NALF1: variants seen among roughly 807,000 people sequenced by gnomAD.
NALF1 encodes the protein NALCN channel auxiliary factor 1, also known as family with sequence similarity 155 member A.
Under a neutral mutation model 48.4 loss-of-function variants are expected in NALF1, and 3 were observed. The ratio of observed to expected loss-of-function variants is 0.06; its 90% CI spans 0.03 to 0.16. NALF1 has a LOEUF of 0.16. Ranked by LOEUF, NALF1 falls within the 10% of genes least tolerant of loss-of-function variation. The pLI is 1.00. For synonymous variants in NALF1, 262 were observed against 245.7 expected (o/e 1.07, Z -0.62); for missense variants, 526 against 571.5 (o/e 0.92, Z 0.81).
chr13:107,575,023 C>T (rs1013783792), intron 1 of NALF1, among the ~76,000 whole-genome samples: 1 of 152,040 alleles, frequency 6.6e-6, no homozygotes, highest in Non-Finnish European at 1.5e-5. Flanking sequence ...TAATATATTT[C>T]CTGAGGCTTA....
chr13:107,264,498 CAAAG>C (rs1881001858), intron 1 of NALF1, among the ~76,000 whole-genome samples: 1 of 151,972 alleles, frequency 6.6e-6, no homozygotes, highest in Non-Finnish European at 1.5e-5. Context: ...GTTAATTACA[CAAAG>C]AGAACATAAT....
chr13:107,616,120 T>C (rs1217719303), intron 1 of NALF1, among the ~76,000 whole-genome samples: 1 of 152,180 alleles, frequency 6.6e-6, no homozygotes, highest in Non-Finnish European at 1.5e-5. Flanking sequence ...GATGTGAAAT[T>C]AATACCTGCA....
chr13:107,644,130 A>G (rs925345188), intron 1 of NALF1, among the ~76,000 whole-genome samples: 1 of 150,390 alleles, frequency 6.6e-6, no homozygotes, highest in Non-Finnish European at 1.5e-5. Context: ...ACCTAATACC[A>G]TAAAATTTAC....
chr13:107,626,695 T>C (rs961049301), intron 1 of NALF1, among the ~76,000 whole-genome samples: 2 of 152,012 alleles, frequency 1.3e-5, no homozygotes, highest in African/African-American at 4.8e-5. Flanking sequence ...GAAAGACAAA[T>C]ATCACATGTT....
At chr13:107,853,790 A>G (rs1276836769) in intron 1 of NALF1, among the ~76,000 whole-genome samples, 2 of 152,200 alleles carry the variant, frequency 1.3e-5, no homozygotes, top group African/African-American at 4.8e-5. Context: ...ACAAAAATAG[A>G]TTGGGTACTC....
intron 1 of NALF1, among the ~76,000 whole-genome samples, chr13:107,658,212 T>C (rs1594188954): frequency 6.6e-6 from 1 of 151,944 alleles, no homozygotes; most frequent in African/African-American, 2.4e-5. Flanking sequence ...GTAGGAAGAT[T>C]GGTGGATTTA....
intron 1 of NALF1, among the ~76,000 whole-genome samples, chr13:107,790,544 AG>A (rs1187222593): frequency 6.6e-6 from 1 of 152,208 alleles, no homozygotes; most frequent in Non-Finnish European, 1.5e-5. Flanking sequence ...TGAATAAAAC[AG>A]GGCTGAAATC....
At chr13:107,612,980 T>C (rs1848139016) in intron 1 of NALF1, among the ~76,000 whole-genome samples, 2 of 150,936 alleles carry the variant, frequency 1.3e-5, no homozygotes, top group Admixed American at 6.6e-5. Context: ...ATGGGTTTTT[T>C]TGGGTTTTTT....
intron 1 of NALF1, 40 bp downstream of exon 1, chr13:107,865,641 AG>A (rs1435981110): frequency 2.5e-6 from 4 of 1,585,472 alleles, no homozygotes; most frequent in Non-Finnish European, 3.4e-6. Context: ...AAGCAGAGAT[AG>A]GAAAGTGCAG....
At position 107,697,266 on chromosome 13, in the gene NALF1, G is replaced by A. The variant is rs569377641; in HGVS notation, c.915+168416C>T. ...CCACAGGACACATATGTATAAAAGAGTTCTGTATGTTTTATATGGCTCTGC... is the reference window on the plus strand; with the variant it reads ...CCACAGGACACATATGTATAAAAGAATTCTGTATGTTTTATATGGCTCTGC... On this transcript the variant is annotated intron_variant, in intron 1 of 2. Transcript: ENST00000375915. Among the ~76,000 whole-genome samples, 5 of 152,050 alleles carry A rather than the reference G, an allele frequency of 3.3e-5. No homozygotes were observed. In the East Asian group the frequency reaches 9.7e-4, roughly 29 times the overall value.
intron 1 of NALF1, among the ~76,000 whole-genome samples, chr13:107,229,932 G>A (rs765521134): frequency 5.3e-5 from 8 of 152,274 alleles, no homozygotes; most frequent in African/African-American, 1.7e-4. Context: ...AGGGTAAAGC[G>A]AAGGGACACC....
rs777720354 is a variant in NALF1 at position 107,167,021 on chromosome 13, T to C, written c.*3476A>G. On this transcript the variant is annotated 3_prime_UTR_variant, in exon 3 of 3. Transcript: ENST00000375915. ...AAGTTCAATATAACGTATCACCAAA[T>C]GTAAATGCAATAAAGAATGACATTG... The C allele has an allele frequency of 2.6e-5, 4 of 152,184 alleles. No homozygotes were observed. The highest frequency in any genetic ancestry group is 5.9e-5 in the Non-Finnish European group (4 of 68,032). The allele number at this position is 152,184 out of a possible 1,614,324, so 9.4% of individuals were successfully genotyped here.
chr13:107,586,635 A>AGTTTTTTTTTTTTTTTTTTTTTTTTTT (rs1878464565), intron 1 of NALF1, among the ~76,000 whole-genome samples: 2 of 93,120 alleles, frequency 2.1e-5, no homozygotes, highest in Non-Finnish European at 4.0e-5. Flanking sequence ...CCCTATGGAG[A>AGTTTTTTTTTTTTTTTTTTTTTTTTTT]TTTTTTTTTT....
chr13:107,206,299 G>A (rs766793454), intron 2 of NALF1, among the ~76,000 whole-genome samples: 13 of 152,086 alleles, frequency 8.5e-5, no homozygotes, highest in Non-Finnish European at 1.8e-4. Flanking sequence ...ACGGGGATGC[G>A]CTTGTCATCA....
chr13:107,324,725 A>C (rs1882318676), intron 1 of NALF1, among the ~76,000 whole-genome samples: 1 of 152,188 alleles, frequency 6.6e-6, no homozygotes, highest in African/African-American at 2.4e-5. Context: ...AACAGTGGCC[A>C]AACTTTTCTG....
intron 1 of NALF1, among the ~76,000 whole-genome samples, chr13:107,418,537 T>C (rs1884132209): frequency 6.6e-6 from 1 of 152,130 alleles, no homozygotes; most frequent in Non-Finnish European, 1.5e-5. Flanking sequence ...GATAATACAA[T>C]CTATTTCTTT....
At chr13:107,274,291 A>T (rs2138866780) in intron 1 of NALF1, among the ~76,000 whole-genome samples, 1 of 152,270 alleles carries the variant, frequency 6.6e-6, no homozygotes, top group African/African-American at 2.4e-5. Flanking sequence ...CATCTTGCAA[A>T]GCAAGATGGT....
chr13:107,798,690 T>C (rs1027739188), intron 1 of NALF1, among the ~76,000 whole-genome samples: 2 of 152,328 alleles, frequency 1.3e-5, no homozygotes, highest in African/African-American at 4.8e-5. Context: ...TTGGAATGTA[T>C]TTACAGTTTT....
chr13:107,376,512 A>G (rs1453728463), intron 1 of NALF1, among the ~76,000 whole-genome samples: 2 of 152,202 alleles, frequency 1.3e-5, no homozygotes, highest in Non-Finnish European at 2.9e-5. Context: ...CTCAATGAGT[A>G]ACTGCTTTCA....
Sources: allele counts gnomAD v4.1 joint callset (sites outside exome capture counted in the v4.1 genomes callset), GRCh38; gene constraint gnomAD v4.1.1; transcripts MANE v1.5; gene names NCBI Gene and HGNC (gene_info 2026-07-23, HGNC 2026-07-21).